GPAT3: variants seen among roughly 807,000 people sequenced by gnomAD.
The protein encoded by GPAT3 is glycerol-3-phosphate acyltransferase 3.
A neutral mutation model predicts 58.8 loss-of-function variants in GPAT3; 53 were observed. That is an observed-to-expected ratio of 0.90 (90% CI 0.72 to 1.13). GPAT3 has a LOEUF of 1.13. GPAT3 is among the 50% of genes most tolerant of loss of function. The pLI, the probability that GPAT3 is intolerant of heterozygous loss-of-function variation, is 0.00. For synonymous variants in GPAT3, 197 were observed against 187.4 expected, an observed-to-expected ratio of 1.05 and a Z score of -0.42; for missense variants, 511 against 527.6, an observed-to-expected ratio of 0.97 and a Z score of 0.31.
At chr4:83,588,180 G>A in intron 4 of GPAT3, 30 bp from the exon 5 acceptor site, 2 of 1,600,242 alleles carry the variant, frequency 1.2e-6, no homozygotes, top group East Asian at 2.2e-5. Context: ...TGCCCAGAAT[G>A]GCACAATAAA....
At chr4:83,591,852 A>T (rs540925281) in intron 6 of GPAT3, among the ~76,000 whole-genome samples, 1 of 152,300 alleles carries the variant, frequency 6.6e-6, no homozygotes, top group African/African-American at 2.4e-5. Flanking sequence ...CTTATAATGA[A>T]CAGAAATTTA....
chr4:83,558,023 G>A (rs1352641081), intron 2 of GPAT3, among the ~76,000 whole-genome samples: 2 of 152,084 alleles, frequency 1.3e-5, no homozygotes, highest in South Asian at 4.1e-4. Flanking sequence ...GACCAGCCTG[G>A]CCAACATGGT....
chr4:83,596,873 T>G lies in GPAT3; in HGVS notation c.870T>G (p.Ile290Met), dbSNP rs1310910307. The G allele has an allele frequency of 6.2e-7, 1 of 1,603,952 alleles. No individual in the cohort carries two copies. Among genetic ancestry groups the G allele is most frequent in the South Asian group, 1.1e-5 (1 of 88,038 alleles). ...TTTTCCATAGACTAAAAGAACATATTGCTGATAAGAAGAAACTACCCATAC... is the reference window on the plus strand; with the variant it reads ...TTTTCCATAGACTAAAAGAACATATGGCTGATAAGAAGAAACTACCCATAC... ...HLVTKRLKEHIADKKKLPILI... is the reference protein window; with the variant it reads ...HLVTKRLKEHMADKKKLPILI... Residue 290 changes from isoleucine to methionine, a missense_variant, in exon 8 of 12, where the codon ATT (isoleucine) becomes ATG (methionine). Coordinates refer to ENST00000264409, the MANE Select transcript of GPAT3 (RefSeq NM_032717.5).
In GPAT3 at chr4:83,597,434, T is replaced by C. The variant is rs1269664677; in HGVS notation, c.915T>C (p.Thr305=). ...CCTACCCTCACCCCCTTGCAGGAAC[T>C]TGCATCAACAATACTTCAGTCATGA... ...KLPILIFPEG[T]CINNTSVMMF... Residue 305 remains threonine, a synonymous_variant, in exon 9 of 12, where the codon ACT becomes ACC. Transcript: ENST00000264409. 3 of 1,540,652 alleles carry C rather than the reference T, an allele frequency of 1.9e-6. No homozygotes were observed. The highest frequency in any genetic ancestry group is 2.6e-6 in the Non-Finnish European group (3 of 1,142,738).
chr4:83,535,639 T>C (rs1724049150), upstream of GPAT3: 2 of 919,222 alleles, frequency 2.2e-6, no homozygotes, highest in African/African-American at 1.8e-5. Flanking sequence ...AGGGTTTCTG[T>C]GCCAGGGAGA....
chr4:83,563,478 CTTTTTTTT>C (rs908400401), intron 2 of GPAT3, among the ~76,000 whole-genome samples: 1 of 114,478 alleles, frequency 8.7e-6, no homozygotes, highest in South Asian at 3.1e-4. Context: ...TTTCTTTCTT[CTTTTTTTT>C]TTTTTTTTTT....
chr4:83,578,950 T>TTC (rs1553946758), intron 2 of GPAT3, among the ~76,000 whole-genome samples: 2,087 of 100,320 alleles, frequency 0.021, 187 homozygotes, highest in South Asian at 0.029. Flanking sequence ...TTCTTTTCTT[T>TTC]TCTTTCTTTC....
At position 83,573,090 on chromosome 4, in the gene GPAT3, T is replaced by C. The variant is rs1725661331; in HGVS notation, c.209-8472T>C. ...GTTGTATATTCCTGGGATCTGTCCT[T>C]GGTACTAGCTTGTTAAGATGGTATA... On this transcript the variant is annotated intron_variant, in intron 2 of 11. Coordinates refer to ENST00000264409, the MANE Select transcript of GPAT3 (RefSeq NM_032717.5). Among the ~76,000 whole-genome samples, 3 of 152,190 alleles carry C rather than the reference T, an allele frequency of 2.0e-5. No homozygotes were observed. The South Asian group carries it at 6.2e-4, about 32-fold the overall frequency.
intron 1 of GPAT3, among the ~76,000 whole-genome samples, chr4:83,540,423 C>G (rs747632361): frequency 2.6e-5 from 4 of 152,128 alleles, no homozygotes; most frequent in South Asian, 2.1e-4. Context: ...GTAAGAGATT[C>G]AGAACATCTG....
At chr4:83,578,374 T>C (rs1434813149) in intron 2 of GPAT3, among the ~76,000 whole-genome samples, 1 of 152,232 alleles carries the variant, frequency 6.6e-6, no homozygotes, top group Middle Eastern at 3.2e-3. Context: ...AATTGAGTTA[T>C]ATTTTATTTA....
chr4:83,595,641 G>A (rs1726794316), intron 7 of GPAT3, among the ~76,000 whole-genome samples: 2 of 152,040 alleles, frequency 1.3e-5, no homozygotes, highest in African/African-American at 4.8e-5. Flanking sequence ...TTGAGACCAT[G>A]AGGTTGAGGC....
At chr4:83,562,181 AT>A (rs1725152098) in intron 2 of GPAT3, among the ~76,000 whole-genome samples, 1 of 32,032 alleles carries the variant, frequency 3.1e-5, no homozygotes, top group Non-Finnish European at 6.4e-5. Flanking sequence ...TTTATATATT[AT>A]ATATATATAT....
chr4:83,565,584 C>T (rs975971356), intron 2 of GPAT3, among the ~76,000 whole-genome samples: 2 of 152,040 alleles, frequency 1.3e-5, no homozygotes, highest in African/African-American at 2.4e-5. Context: ...CCACAACCTC[C>T]GCCTCTAGGG....
At chr4:83,536,885 T>C in intron 1 of GPAT3, 122 bp downstream of exon 1, 2 of 880,846 alleles carry the variant, frequency 2.3e-6, no homozygotes, top group Non-Finnish European at 1.7e-6. Context: ...CATGCGTGCG[T>C]GCATTTCTGT....
At chr4:83,559,370 C>G (rs538668484) in intron 2 of GPAT3, among the ~76,000 whole-genome samples, 1 of 152,130 alleles carries the variant, frequency 6.6e-6, no homozygotes, top group South Asian at 2.1e-4. Flanking sequence ...GTCACCCAGG[C>G]TAGAGTGCAG....
chr4:83,543,622 T>C (rs1394840925), intron 1 of GPAT3, among the ~76,000 whole-genome samples: 2 of 152,032 alleles, frequency 1.3e-5, no homozygotes, highest in African/African-American at 2.4e-5. Context: ...CCGTAGTTCA[T>C]GATTTCTTTT....
chr4:83,576,560 C>T (rs1725827028), intron 2 of GPAT3, among the ~76,000 whole-genome samples: 1 of 152,024 alleles, frequency 6.6e-6, no homozygotes, highest in Non-Finnish European at 1.5e-5. Context: ...TCTCATGCCT[C>T]AGCCTCCCAA....
intron 2 of GPAT3, among the ~76,000 whole-genome samples, chr4:83,565,926 G>C (rs967444686): frequency 6.6e-6 from 1 of 152,174 alleles, no homozygotes; most frequent in Non-Finnish European, 1.5e-5. Flanking sequence ...GAGTTTCCTC[G>C]AGCAAAGGCG....
intron 2 of GPAT3, among the ~76,000 whole-genome samples, chr4:83,571,730 A>ATATATGTG (rs1171411680): frequency 6.6e-6 from 1 of 150,828 alleles, no homozygotes; most frequent in East Asian, 1.9e-4. Context: ...ACACATATAT[A>ATATATGTG]TATATACACG....
Sources: allele counts gnomAD v4.1 joint callset (sites outside exome capture counted in the v4.1 genomes callset), GRCh38; gene constraint gnomAD v4.1.1; transcripts MANE v1.5; gene names NCBI Gene and HGNC (gene_info 2026-07-23, HGNC 2026-07-21).